Variants in GALNTL6 observed in about 807,000 individuals in gnomAD.
The protein encoded by GALNTL6 is polypeptide N-acetylgalactosaminyltransferase like 6.
A neutral mutation model predicts 73.7 loss-of-function variants in GALNTL6; 46 were observed. The observed-to-expected ratio is 0.62, with a 90% CI of 0.49 to 0.80. The LOEUF (loss-of-function observed/expected upper bound fraction) is 0.80. GALNTL6 is among the 30% of genes least tolerant of loss of function. GALNTL6 has a pLI of 0.00. For missense variants in GALNTL6, 604 were observed against 755.0 expected (o/e 0.80, Z 2.34); for synonymous variants, 259 against 263.7 (o/e 0.98, Z 0.17).
At chr4:171,929,308 G>A (rs1738096308) in intron 2 of GALNTL6, among the ~76,000 whole-genome samples, 1 of 152,124 alleles carries the variant, frequency 6.6e-6, no homozygotes, top group Non-Finnish European at 1.5e-5. Context: ...CTGGCCTCAG[G>A]TGATCTTAGT....
chr4:172,522,368 C>T (rs1579150414), intron 5 of GALNTL6, among the ~76,000 whole-genome samples: 1 of 151,928 alleles, frequency 6.6e-6, no homozygotes, highest in Non-Finnish European at 1.5e-5. Context: ...CTCTGGTTAC[C>T]AGCGATAAAA....
At position 172,489,786 on chromosome 4, in the gene GALNTL6, G is replaced by A. The variant is rs543339760; in HGVS notation, c.553+141097G>A. 1.1e-4 allele frequency among the ~76,000 whole-genome samples: 17 copies of A among 152,262 alleles called. No homozygotes were observed. In the East Asian group the frequency reaches 3.1e-3, roughly 28 times the overall value. ...GAATTAAAATCACTGCCATTTTACG[G>A]CTAACACACACTGATTTTCTGGATG... On this transcript the variant is annotated intron_variant, in intron 5 of 12. Coordinates refer to ENST00000506823, the MANE Select transcript of GALNTL6 (RefSeq NM_001034845.3).
chr4:172,273,392 G>A (rs1215471400), intron 3 of GALNTL6, among the ~76,000 whole-genome samples: 1 of 152,106 alleles, frequency 6.6e-6, no homozygotes, highest in East Asian at 1.9e-4. Flanking sequence ...GTGTAAATAT[G>A]TATGCAATGC....
intron 2 of GALNTL6, among the ~76,000 whole-genome samples, chr4:172,141,645 A>T (rs905770339): frequency 4.6e-5 from 7 of 151,990 alleles, no homozygotes; most frequent in Non-Finnish European, 1.0e-4. Context: ...TTCTGCCAGT[A>T]TAAAAGGACA....
intron 5 of GALNTL6, among the ~76,000 whole-genome samples, chr4:172,709,330 G>C (rs995232772): frequency 6.6e-6 from 1 of 152,162 alleles, no homozygotes; most frequent in Non-Finnish European, 1.5e-5. Flanking sequence ...AATGGAAGCA[G>C]GGAAAAAGAA....
At chr4:172,204,183 G>T (rs894628122) in intron 2 of GALNTL6, among the ~76,000 whole-genome samples, 1 of 152,086 alleles carries the variant, frequency 6.6e-6, no homozygotes, top group African/African-American at 2.4e-5. Flanking sequence ...TATAATGAAA[G>T]ATGTTTGTAC....
chr4:172,495,692 A>C (rs338007), intron 5 of GALNTL6, among the ~76,000 whole-genome samples: 15,860 of 152,204 alleles, frequency 0.1, 949 homozygotes, highest in East Asian at 0.23. Flanking sequence ...TTCAATCATC[A>C]ATGTGTAGAT....
At chr4:172,405,443 ATTTTTTTTTTTTTTT>A (rs201198149) in intron 5 of GALNTL6, among the ~76,000 whole-genome samples, 1 of 7,890 alleles carries the variant, frequency 1.3e-4, no homozygotes, top group African/African-American at 8.4e-4. Flanking sequence ...ATATATATAT[ATTTTTTTTTTTTTTT>A]TTTTTTTTCT....
intron 5 of GALNTL6, among the ~76,000 whole-genome samples, chr4:172,537,962 G>A (rs1735407378): frequency 1.3e-5 from 2 of 152,260 alleles, no homozygotes; most frequent in South Asian, 4.1e-4. Context: ...TGGAGGTGAG[G>A]AGAATAGTCA....
intron 9 of GALNTL6, among the ~76,000 whole-genome samples, chr4:172,948,513 T>C (rs543515361): frequency 6.6e-6 from 1 of 152,072 alleles, no homozygotes; most frequent in East Asian, 1.9e-4. Flanking sequence ...AGTGCAGTGG[T>C]GTGATCTCGG....
intron 2 of GALNTL6, among the ~76,000 whole-genome samples, chr4:171,969,164 GAT>G (rs1739487556): frequency 2.0e-5 from 3 of 152,032 alleles, no homozygotes; most frequent in African/African-American, 2.4e-5. Flanking sequence ...CTCCTCACAT[GAT>G]ACTTCCTCTC....
chr4:171,878,037 A>T (rs1486106557), intron 2 of GALNTL6, among the ~76,000 whole-genome samples: 1 of 152,164 alleles, frequency 6.6e-6, no homozygotes, highest in Non-Finnish European at 1.5e-5. Context: ...CATATGTGAA[A>T]CAATGAGATA....
chr4:172,372,503 G>C lies in GALNTL6; in HGVS notation c.553+23814G>C, dbSNP rs374496062. ...AAGATGGCCACCGCCACAACTACCC[G>C]TAAAACAGTGAGGCCAGCCTTTTGC... On this transcript the variant is annotated intron_variant, in intron 5 of 12. Transcript: ENST00000506823. Among the ~76,000 whole-genome samples the C allele has an allele frequency of 4.6e-5, 7 of 152,232 alleles. 1 individual carries two copies. In the South Asian group the frequency reaches 1.5e-3, roughly 32 times the overall value.
chr4:172,428,840 T>C (rs1192519708), intron 5 of GALNTL6, among the ~76,000 whole-genome samples: 1 of 152,182 alleles, frequency 6.6e-6, no homozygotes, highest in East Asian at 1.9e-4. Context: ...AAATAGATCA[T>C]CAGCTGTCAG....
chr4:172,340,741 C>T (rs1465635515), intron 4 of GALNTL6, among the ~76,000 whole-genome samples: 5 of 152,124 alleles, frequency 3.3e-5, no homozygotes, highest in Non-Finnish European at 5.9e-5. Flanking sequence ...AGATAAAACC[C>T]GTCTAACTCT....
rs115879493 is a variant in GALNTL6 at position 172,073,272 on chromosome 4, C to T, written c.139-156384C>T. On this transcript the variant is annotated intron_variant, in intron 2 of 12. Transcript: ENST00000506823. ...TAAAAGCTCGTGCAAGCCCTTGAAA[C>T]GATGTCTCCCCTATGTATAAGCTCC... Among the ~76,000 whole-genome samples, 499 of 152,268 alleles carry T rather than the reference C, an allele frequency of 3.3e-3. 2 individuals carry two copies. Among genetic ancestry groups the T allele is most frequent in the African/African-American group, 0.01 (418 of 41,572 alleles).
intron 2 of GALNTL6, among the ~76,000 whole-genome samples, chr4:171,891,403 G>C (rs1736759123): frequency 6.6e-6 from 1 of 152,140 alleles, no homozygotes; most frequent in Non-Finnish European, 1.5e-5. Flanking sequence ...GAATCTTGAG[G>C]AAAGAATGGA....
intron 8 of GALNTL6, among the ~76,000 whole-genome samples, chr4:172,886,692 G>A (rs1745739470): frequency 6.6e-6 from 1 of 152,056 alleles, no homozygotes. Context: ...GAACCCGGGA[G>A]GCAGAAGTTG....
At chr4:172,866,337 G>A (rs973394951) in intron 7 of GALNTL6, among the ~76,000 whole-genome samples, 1 of 152,198 alleles carries the variant, frequency 6.6e-6, no homozygotes, top group African/African-American at 2.4e-5. Context: ...AGGAGAAGGA[G>A]CATAGGCTAG....
Sources: allele counts gnomAD v4.1 joint callset (sites outside exome capture counted in the v4.1 genomes callset), GRCh38; gene constraint gnomAD v4.1.1; transcripts MANE v1.5; gene names NCBI Gene and HGNC (gene_info 2026-07-23, HGNC 2026-07-21).